The following DDX49 variants were observed in gnomAD, a reference collection of about 807,000 sequenced individuals.
DDX49 encodes the protein DEAD-box helicase 49.
DDX49 carries 50 observed loss-of-function variants against 56.3 expected under a neutral mutation model. The observed-to-expected ratio is 0.89, with a 90% CI of 0.71 to 1.12. The LOEUF is 1.12. Among genes scored for constraint, DDX49 ranks in the 50% most tolerant of loss-of-function variants. The probability of loss-of-function intolerance (pLI) is 0.00; values close to 1 mark genes in which losing one functional copy is unlikely to be tolerated. For missense variants in DDX49, 614 were observed against 650.5 expected (o/e 0.94, Z 0.61); for synonymous variants, 269 against 270.6 (o/e 0.99, Z 0.06).
In DDX49 at chr19:18,928,313, C is replaced by A; in HGVS notation, c.1449C>A (p.Val483=). The A allele has an allele frequency of 6.5e-7, 1 of 1,543,078 alleles. No homozygotes were observed. Among genetic ancestry groups the A allele is most frequent in the South Asian group, 1.2e-5 (1 of 81,372 alleles). The change falls in exon 13 of 13, where the codon GTC becomes GTA. Residue 483 remains valine (V), a synonymous_variant. Transcript: ENST00000247003. Reference sequence around the variant, plus strand: ...GCCCAGTCCCCTCCCAGGGCCTGGTCTGAGCCCCACACGGCCATCTGCCCA... The same window carrying A: ...GCCCAGTCCCCTCCCAGGGCCTGGTATGAGCCCCACACGGCCATCTGCCCA... The part of the protein sequence containing the change: ...HSGPVPSQGL[V]
intron 1 of DDX49, 29 bp from the exon 2 acceptor site, chr19:18,920,551 G>A (rs1461092968): frequency 3.8e-6 from 6 of 1,578,754 alleles, no homozygotes; most frequent in African/African-American, 2.7e-5. Context: ...CACATGGAGG[G>A]TGTTGATGCT....
In DDX49 at chr19:18,928,109, C is replaced by G. The variant is rs1469585691; in HGVS notation, c.1264-19C>G. ...CGGGGGCCGCCAGCTCAGCCATCCC[C>G]TGGTCCTCCCTGTGCCAGGACCCTG... On this transcript the variant is annotated intron_variant, in intron 12 of 12. Transcript: ENST00000247003. The G allele has an allele frequency of 6.2e-7, 1 of 1,611,642 alleles. No individual in the cohort carries two copies. The highest frequency in any genetic ancestry group is 1.3e-5 in the African/African-American group (1 of 74,898).
Position 18,924,089 on chromosome 19 carries a change from T to C in DDX49, c.777-144T>C. 3.9e-6 allele frequency: 3 copies of C among 762,886 alleles called. No individual in the cohort carries two copies. In the East Asian group the frequency reaches 7.8e-5, roughly 20 times the overall value. The allele number at this position is 762,886 out of a possible 1,614,324, so 47.3% of individuals were successfully genotyped here. On this transcript the variant is annotated intron_variant, in intron 6 of 12. Coordinates refer to ENST00000247003, the MANE Select transcript of DDX49 (RefSeq NM_019070.5). ...TCCCAAAGTGCTGGGATTACAGGCA[T>C]GAGCCACCGTGCCTGGCCTGCTGCC...
At chr19:18,926,423 G>GGGGGGGC in intron 10 of DDX49, 46 bp downstream of exon 10, 1 of 490,306 alleles carries the variant, frequency 2.0e-6, no homozygotes, top group African/African-American at 2.0e-5. Context: ...GGTGGGGTGG[G>GGGGGGGC]CAGAGGTGGG....
chr19:18,919,967 G>T (rs1053365259), intron 1 of DDX49, 111 bp downstream of exon 1: 1 of 774,786 alleles, frequency 1.3e-6, no homozygotes. Flanking sequence ...GCAACCTCGG[G>T]CGTTACAGGA....
At chr19:18,927,895 GGCCGGGGGT>G (rs1476956427) in intron 11 of DDX49, 41 bp downstream of exon 11, 1 of 1,613,860 alleles carries the variant, frequency 6.2e-7, no homozygotes, top group South Asian at 1.1e-5. Context: ...TGCTCTCCAG[GGCCGGGGGT>G]GCTCCCTTCC....
intron 8 of DDX49, 68 bp downstream of exon 8, chr19:18,924,767 G>A (rs945109278): frequency 6.2e-7 from 1 of 1,613,228 alleles, no homozygotes; most frequent in Middle Eastern, 1.7e-4. Context: ...AGATGAGAAG[G>A]CTGGCCTCAG....
chr19:18,922,739 G>A lies in DDX49; in HGVS notation c.771G>A (p.Thr257=), dbSNP rs148028161. 201 of 1,610,394 alleles carry A rather than the reference G, an allele frequency of 1.2e-4. No homozygotes were observed. Among genetic ancestry groups the A allele is most frequent in the Middle Eastern group, 1.2e-3 (7 of 6,044 alleles). The change falls in exon 6 of 13, where the codon ACG becomes ACA. Residue 257 remains threonine, a synonymous_variant. Transcript: ENST00000247003. ...GGTCCATTATCATCTTCACCAACAC[G>A]TGCAAGTGAGCGGGGCCCGCCTCTC... ...EDWSIIIFTN[T]CKTCQILCMM...
At chr19:18,920,235 T>C (rs2056903099) in intron 1 of DDX49, among the ~76,000 whole-genome samples, 1 of 152,182 alleles carries the variant, frequency 6.6e-6, no homozygotes, top group Admixed American at 6.6e-5. Context: ...ATTGCTCCTC[T>C]AGGAGAAGGT....
rs755844029 is a variant in DDX49 at position 18,921,703 on chromosome 19, G to C, written c.280G>C (p.Gly94Arg). Reference sequence around the variant, plus strand: ...GATCGCAGAGCAGTTCCGGGTCCTGGGGAAGCCTCTAGGGCTGAAAGACTG... The same window carrying C: ...GATCGCAGAGCAGTTCCGGGTCCTGCGGAAGCCTCTAGGGCTGAAAGACTG... ...YQIAEQFRVL[G>R]KPLGLKDCII... The change falls in exon 3 of 13, where the codon GGG (glycine) becomes CGG (arginine). Residue 94 changes from glycine to arginine, a missense_variant. Transcript: ENST00000247003. The C allele has an allele frequency of 6.2e-7, 1 of 1,614,132 alleles. No homozygotes were observed. The highest frequency in any genetic ancestry group is 2.2e-5 in the East Asian group (1 of 44,874).
At chr19:18,924,189 A>C in intron 6 of DDX49, 44 bp from the exon 7 acceptor site, 374 of 1,602,902 alleles carry the variant, frequency 2.3e-4, no homozygotes, top group Non-Finnish European at 2.9e-4. Context: ...ACCTTCCCAG[A>C]ACCTGAGAGC....
At position 18,928,229 on chromosome 19, in the gene DDX49, G is replaced by A. The variant is rs529913460; in HGVS notation, c.1365G>A (p.Lys455=). 1.6e-5 allele frequency: 26 copies of A among 1,586,826 alleles called. No individual in the cohort carries two copies. In the African/African-American group the frequency reaches 3.5e-4, roughly 21 times the overall value. The part of the protein sequence containing the change: ...EKVEETLKRQ[K]AGRAGHKGRP... ...TGGAGGAGACGCTGAAGCGACAGAA[G>A]GCTGGCAGGGCTGGCCACAAGGGGC... The change falls in exon 13 of 13, where the codon AAG becomes AAA. Residue 455 remains lysine, a synonymous_variant. Coordinates refer to ENST00000247003, the MANE Select transcript of DDX49 (RefSeq NM_019070.5).
rs2056897262 is a variant in DDX49, at chr19:18,919,741, G to A, written c.-1G>A. The A allele has an allele frequency of 6.2e-7, 1 of 1,609,664 alleles. No individual in the cohort carries two copies. The highest frequency in any genetic ancestry group is 8.5e-7 in the Non-Finnish European group (1 of 1,176,798). ...AGGGGCCCCTACAAGCGGCCACAAGGATGGCAGGCTTCGCGGAGCTCGGGC... is the reference window on the plus strand; with the variant it reads ...AGGGGCCCCTACAAGCGGCCACAAGAATGGCAGGCTTCGCGGAGCTCGGGC... On this transcript the variant is annotated 5_prime_UTR_variant, in exon 1 of 13. Coordinates refer to ENST00000247003, the MANE Select transcript of DDX49 (RefSeq NM_019070.5).
At chr19:18,927,249 A>C (rs2056968568) in intron 10 of DDX49, among the ~76,000 whole-genome samples, 1 of 152,026 alleles carries the variant, frequency 6.6e-6, no homozygotes, top group Non-Finnish European at 1.5e-5. Flanking sequence ...TATAGAAACT[A>C]GCAGCACACG....
At chr19:18,928,090 C>T (rs1253953545) in intron 12 of DDX49, 38 bp from the exon 13 acceptor site, 1 of 1,612,506 alleles carries the variant, frequency 6.2e-7, no homozygotes, top group Non-Finnish European at 8.5e-7. Flanking sequence ...CTGGCGGGGG[C>T]CGCCAGCTCA....
In DDX49 at chr19:18,924,897, T is replaced by G. The variant is rs943885766; in HGVS notation, c.945T>G (p.Pro315=). The change falls in exon 9 of 13, where the codon CCT becomes CCG. Residue 315 remains proline (P), a synonymous_variant. Transcript: ENST00000247003. ...CTGCCTCCAGGGGCCTGGACATCCC[T>G]ACGGTACAGGTGGTCATCAACCACA... ...TDVASRGLDI[P]TVQVVINHNT... 6.2e-7 allele frequency: 1 copy of G among 1,613,012 alleles called. No individual in the cohort carries two copies. The highest frequency in any genetic ancestry group is 8.5e-7 in the Non-Finnish European group (1 of 1,180,004).
chr19:18,922,546 C>A (rs770619428), intron 5 of DDX49, 33 bp downstream of exon 5: 1 of 1,597,170 alleles, frequency 6.3e-7, no homozygotes, highest in South Asian at 1.1e-5. Context: ...GTGGGGAGGG[C>A]AGCCCCATCC....
chr19:18,924,893 T>G lies in DDX49; in HGVS notation c.941T>G (p.Ile314Ser). The G allele has an allele frequency of 6.2e-7, 1 of 1,612,946 alleles. No homozygotes were observed. Among genetic ancestry groups the G allele is most frequent in the Non-Finnish European group, 8.5e-7 (1 of 1,179,982 alleles). The change falls in exon 9 of 13, where the codon ATC (isoleucine) becomes AGC (serine). Residue 314 changes from isoleucine to serine, a missense_variant. Coordinates refer to ENST00000247003, the MANE Select transcript of DDX49 (RefSeq NM_019070.5). ...ACCTCTGCCTCCAGGGGCCTGGACA[T>G]CCCTACGGTACAGGTGGTCATCAAC... ...ATDVASRGLD[I>S]PTVQVVINHN...
intron 4 of DDX49, 139 bp from the exon 5 acceptor site, chr19:18,922,187 G>A: frequency 8.2e-7 from 1 of 1,224,846 alleles, no homozygotes; most frequent in Non-Finnish European, 1.1e-6. Flanking sequence ...ACTTGGGTGA[G>A]GGGCAGGCCT....
Sources: allele counts gnomAD v4.1 joint callset (sites outside exome capture counted in the v4.1 genomes callset), GRCh38; gene constraint gnomAD v4.1.1; transcripts MANE v1.5; gene names NCBI Gene and HGNC (gene_info 2026-07-23, HGNC 2026-07-21).